The following CCDC73 variants were observed in gnomAD, a reference collection of about 807,000 sequenced individuals.
CCDC73 encodes the protein coiled-coil domain containing 73.
CCDC73 carries 95 observed loss-of-function variants against 116.5 expected under a neutral mutation model. The observed-to-expected ratio is 0.82, with a 90% CI of 0.69 to 0.97. The LOEUF is 0.97. CCDC73 is among the 50% of genes least tolerant of loss of function. CCDC73 has a pLI of 0.00. For synonymous variants in CCDC73, 398 were observed against 401.3 expected (o/e 0.99, Z 0.10); for missense variants, 1,066 against 1,206.8 (o/e 0.88, Z 1.73).
chr11:32,602,864 G>T lies in CCDC73; in HGVS notation c.3187C>A (p.Pro1063Thr). The T allele has an allele frequency of 6.2e-7, 1 of 1,609,774 alleles. No homozygotes were observed. Residue 1063 changes from proline (P) to threonine (T), a missense_variant, in exon 18 of 18, where the codon CCA becomes ACA. Physicochemically the swap from Pro to Thr is conservative, Grantham distance 38. Coordinates refer to ENST00000335185, the MANE Select transcript of CCDC73 (RefSeq NM_001008391.4). The stretch of plus-strand genomic sequence containing the variant: ...GTCTCTTCTGCTTTTCTTTTCTTTG[G>T]CTGGTTGTCATTTTCTAAACTTAGT... ...NLLSLENDNQ[P>T]KKRKAEETLE...
chr11:32,669,068 A>G (rs1192105510), intron 9 of CCDC73, among the ~76,000 whole-genome samples: 1 of 152,184 alleles, frequency 6.6e-6, no homozygotes, highest in Non-Finnish European at 1.5e-5. Context: ...GTGGAAAAAT[A>G]TTCAAAAACA....
At chr11:32,681,766 GAATAC>G (rs2133293749) in intron 7 of CCDC73, 1 of 151,776 alleles carries the variant, frequency 6.6e-6, no homozygotes, top group East Asian at 1.9e-4. Flanking sequence ...CTGAATTACT[GAATAC>G]TATACCGCAC....
chr11:32,613,460 T>G lies in CCDC73; in HGVS notation c.2858A>C (p.Asn953Thr). Residue 953 changes from asparagine (N) to threonine (T), a missense_variant, in exon 16 of 18, where the codon AAT becomes ACT. Transcript: ENST00000335185. ...CTTTCCAACATCATCCACACCAATA[T>G]TTTTACAAAGAGCCATTGAAATGAT... ...KKIISMALCK[N>T]IGVDDVGKDI... 1 of 1,613,772 alleles carries G rather than the reference T, an allele frequency of 6.2e-7. No homozygotes were observed.
At chr11:32,763,946 A>C (rs1482278444) in intron 1 of CCDC73, among the ~76,000 whole-genome samples, 1 of 152,236 alleles carries the variant, frequency 6.6e-6, no homozygotes, top group Non-Finnish European at 1.5e-5. Flanking sequence ...AAACCATGGC[A>C]CGAGAACTAC....
chr11:32,758,839 A>G (rs1481226972), intron 2 of CCDC73, among the ~76,000 whole-genome samples: 1 of 152,172 alleles, frequency 6.6e-6, no homozygotes, highest in Non-Finnish European at 1.5e-5. Flanking sequence ...CTAATTTTAC[A>G]AAAACACTTC....
At chr11:32,628,275 G>A (rs372454953) in intron 14 of CCDC73, among the ~76,000 whole-genome samples, 1 of 152,128 alleles carries the variant, frequency 6.6e-6, no homozygotes, top group Non-Finnish European at 1.5e-5. Flanking sequence ...CACAAGGAAG[G>A]GGCACTCTTG....
chr11:32,757,714 T>C (rs1040571488), intron 2 of CCDC73, among the ~76,000 whole-genome samples: 1 of 152,160 alleles, frequency 6.6e-6, no homozygotes, highest in African/African-American at 2.4e-5. Flanking sequence ...GCATAACATC[T>C]TCCAGTCGCT....
At position 32,608,320 on chromosome 11, in the gene CCDC73, A is replaced by C. The variant is rs113413335; in HGVS notation, c.3030+2812T>G. Among the ~76,000 whole-genome samples the C allele has an allele frequency of 9.2e-3, 1,403 of 152,276 alleles. 12 individuals carry two copies. Among genetic ancestry groups the C allele is most frequent in the Middle Eastern group, 0.031 (9 of 294 alleles). On this transcript the variant is annotated intron_variant, in intron 17 of 17. Coordinates refer to ENST00000335185, the MANE Select transcript of CCDC73 (RefSeq NM_001008391.4). ...CAAAAGCAAGTCAGTTACTTCCTAG[A>C]TACAAGGAGGGGTGGGGTACAGGCA... is the stretch of plus-strand genomic sequence containing the variant.
intron 1 of CCDC73, among the ~76,000 whole-genome samples, chr11:32,761,701 T>C (rs1233788807): frequency 2.0e-5 from 3 of 152,136 alleles, no homozygotes; most frequent in Non-Finnish European, 4.4e-5. Context: ...TGTGTGTATA[T>C]ATGGGGGGGT....
At chr11:32,658,806 G>A (rs1482378672) in intron 9 of CCDC73, among the ~76,000 whole-genome samples, 1 of 151,918 alleles carries the variant, frequency 6.6e-6, no homozygotes. Flanking sequence ...ACTGAACAAA[G>A]AGAATAAAGG....
At chr11:32,704,954 C>T (rs1849843167) in intron 3 of CCDC73, among the ~76,000 whole-genome samples, 1 of 152,188 alleles carries the variant, frequency 6.6e-6, no homozygotes, top group Non-Finnish European at 1.5e-5. Context: ...GTCAGTGTAA[C>T]CTCATTCTTC....
At chr11:32,620,988 A>G (rs1316031619) in intron 14 of CCDC73, among the ~76,000 whole-genome samples, 2 of 152,072 alleles carry the variant, frequency 1.3e-5, no homozygotes, top group East Asian at 3.9e-4. Context: ...GGAACTCTTC[A>G]AGAACTACAA....
intron 3 of CCDC73, among the ~76,000 whole-genome samples, chr11:32,708,335 T>C (rs1301551435): frequency 6.6e-6 from 1 of 152,206 alleles, no homozygotes; most frequent in East Asian, 1.9e-4. Context: ...AGTCAGGTAA[T>C]GTGATGTCTC....
chr11:32,805,676 C>T, the CCDC73 span, among the ~76,000 whole-genome samples: 1 of 152,192 alleles, frequency 6.6e-6, no homozygotes, highest in African/African-American at 2.4e-5. Flanking sequence ...CGGCTTGAAA[C>T]ATCCATATGA....
chr11:32,693,539 T>C (rs979861515), intron 6 of CCDC73, among the ~76,000 whole-genome samples: 5 of 152,050 alleles, frequency 3.3e-5, no homozygotes, highest in Admixed American at 2.0e-4. Flanking sequence ...ATACTCTCTA[T>C]AGGGAATCAT....
chr11:32,658,364 T>G (rs1049934248), intron 9 of CCDC73, among the ~76,000 whole-genome samples: 1 of 152,184 alleles, frequency 6.6e-6, no homozygotes, highest in Non-Finnish European at 1.5e-5. Flanking sequence ...TGGGAAGGGA[T>G]GTAGAGGAAA....
At chr11:32,688,614 T>C (rs2133301044) in intron 6 of CCDC73, among the ~76,000 whole-genome samples, 1 of 152,316 alleles carries the variant, frequency 6.6e-6, no homozygotes, top group South Asian at 2.1e-4. Flanking sequence ...ATGTCCCTGA[T>C]TGTAAGAATG....
chr11:32,699,651 T>C (rs1849791601), intron 5 of CCDC73, among the ~76,000 whole-genome samples: 1 of 152,026 alleles, frequency 6.6e-6, no homozygotes, highest in Non-Finnish European at 1.5e-5. Context: ...AAACACCACA[T>C]GTTCTTACTC....
intron 4 of CCDC73, among the ~76,000 whole-genome samples, chr11:32,701,269 A>C (rs560870217): frequency 1.3e-5 from 2 of 152,302 alleles, no homozygotes; most frequent in Non-Finnish European, 2.9e-5. Flanking sequence ...TCCACTCCTA[A>C]ATCACAGCTT....
Sources: gnomAD v4.1 joint callset for allele counts (sites outside exome capture counted in the v4.1 genomes callset) on GRCh38, gnomAD v4.1.1 for gene constraint, MANE v1.5 for transcripts, NCBI Gene and HGNC (gene_info 2026-07-23, HGNC 2026-07-21) for gene names.